DMRTA1: variants seen among roughly 807,000 people sequenced by gnomAD.
The protein encoded by DMRTA1 is doublesex- and mab-3-related transcription factor A1.
A neutral mutation model predicts 35.2 loss-of-function variants in DMRTA1; 34 were observed. That is an observed-to-expected ratio of 0.97 (90% confidence interval 0.74 to 1.29). The LOEUF is 1.29. Among genes scored for constraint, DMRTA1 ranks in the 50% most tolerant of loss-of-function variants. The pLI, the probability that DMRTA1 is intolerant of heterozygous loss-of-function variation, is 0.00. For synonymous variants in DMRTA1, 344 were observed against 276.6 expected (o/e 1.24, Z -2.42); for missense variants, 824 against 644.6 (o/e 1.28, Z -3.01).
At position 22,447,743 on chromosome 9, in the gene DMRTA1, C is replaced by CT. The variant is rs1563825426; in HGVS notation, c.667+14dup. The CT allele has an allele frequency of 6.2e-7, 1 of 1,613,052 alleles. No individual in the cohort carries two copies. The highest frequency in any genetic ancestry group is 8.5e-7 in the Non-Finnish European group (1 of 1,179,884). ...CTGAGGAAAAACAAGGTGAGTTGGT[C>CT]TTTGATTTACTCTTTGCTCAAGGAA... On this transcript the variant is annotated intron_variant, in intron 1 of 1. Transcript: ENST00000325870.
chr9:22,453,121 T>C lies in DMRTA1; in HGVS notation c.*1210T>C, dbSNP rs1563827257. On this transcript the variant is annotated 3_prime_UTR_variant, in exon 2 of 2. Coordinates refer to ENST00000325870, the MANE Select transcript of DMRTA1 (RefSeq NM_022160.3). Reference sequence around the variant, plus strand: ...TCTAGGACATTTTCTTTGTATGTCATCATTTTTCTTTTTTGAAGGACAGTA... The same window carrying C: ...TCTAGGACATTTTCTTTGTATGTCACCATTTTTCTTTTTTGAAGGACAGTA... 1 of 152,134 alleles carries C rather than the reference T, an allele frequency of 6.6e-6. No individual in the cohort carries two copies. Among genetic ancestry groups the C allele is most frequent in the South Asian group, 2.1e-4 (1 of 4,834 alleles). 9.4% of individuals were successfully genotyped at this position (152,134 alleles called of 1,614,324 possible).
Position 22,447,150 on chromosome 9 carries a change from C to A in DMRTA1, c.85C>A (p.Pro29Thr). The change falls in exon 1 of 2, where the codon CCG becomes ACG. Residue 29 changes from proline (P) to threonine (T), a missense_variant. Pro to Thr is a conservative substitution (Grantham distance 38). Transcript: ENST00000325870. Reference sequence around the variant, plus strand: ...CCCTGGGCTAGTGGTGGCTGCCCCTCCGCCCCCGTCCCCGGCGTTGCCGGT... The same window carrying A: ...CCCTGGGCTAGTGGTGGCTGCCCCTACGCCCCCGTCCCCGGCGTTGCCGGT... The part of the protein sequence containing the change: ...LAPGLVVAAP[P>T]PPSPALPVPS... 6.2e-7 allele frequency: 1 copy of A among 1,602,046 alleles called. No individual in the cohort carries two copies. The highest frequency in any genetic ancestry group is 8.5e-7 in the Non-Finnish European group (1 of 1,175,484).
chr9:22,447,112 G>A lies in DMRTA1; in HGVS notation c.47G>A (p.Arg16Gln). The A allele has an allele frequency of 6.2e-7, 1 of 1,609,248 alleles. No homozygotes were observed. Among genetic ancestry groups the A allele is most frequent in the Non-Finnish European group, 8.5e-7 (1 of 1,178,556 alleles). ...CGSRDRGVSG[R>Q]PHLAPGLVVA... ...AGCAGAGACCGAGGCGTTAGCGGCC[G>A]ACCTCACTTGGCCCCTGGGCTAGTG... Residue 16 changes from arginine to glutamine, a missense_variant, in exon 1 of 2, where the codon CGA (arginine) becomes CAA (glutamine). Transcript: ENST00000325870.
At chr9:22,448,530 G>T (rs1040318350) in intron 1 of DMRTA1, among the ~76,000 whole-genome samples, 1 of 151,720 alleles carries the variant, frequency 6.6e-6, no homozygotes, top group African/African-American at 2.4e-5. Flanking sequence ...CATTTCCTGC[G>T]TTAGGAGATA....
rs1182905706 is a variant in DMRTA1 at position 22,455,515 on chromosome 9, C to T, written c.*3604C>T. ...TTGTATTAAGATATTATCTTTGCCC[C>T]CTCGTGGCAGTCTCTCAACAAAGAG... On this transcript the variant is annotated 3_prime_UTR_variant, in exon 2 of 2. Transcript: ENST00000325870. 6.6e-6 allele frequency: 1 copy of T among 152,110 alleles called. No individual in the cohort carries two copies. The highest frequency in any genetic ancestry group is 2.4e-5 in the African/African-American group (1 of 41,402). 9.4% of individuals were successfully genotyped at this position (152,110 alleles called of 1,614,324 possible).
Position 22,451,399 on chromosome 9 carries a change from A to G in DMRTA1, c.1003A>G (p.Lys335Glu). ...RPRDPLDILTKIFPNYRRSRL... is the reference protein window; with the variant it reads ...RPRDPLDILTEIFPNYRRSRL... ...AAGAGATCCTCTTGATATCCTTACT[A>G]AGATTTTCCCAAATTACAGGCGCAG... is the stretch of plus-strand genomic sequence containing the variant. Residue 335 changes from lysine (K) to glutamate (E), a missense_variant, in exon 2 of 2, where the codon AAG becomes GAG. By Grantham distance (56) the Lys-to-Glu change is moderately conservative. Coordinates refer to ENST00000325870, the MANE Select transcript of DMRTA1 (RefSeq NM_022160.3). The G allele has an allele frequency of 6.2e-7, 1 of 1,614,144 alleles. No individual in the cohort carries two copies. The highest frequency in any genetic ancestry group is 8.5e-7 in the Non-Finnish European group (1 of 1,179,984).
At chr9:22,451,001 G>T in intron 1 of DMRTA1, 63 bp from the exon 2 acceptor site, 2 of 1,508,206 alleles carry the variant, frequency 1.3e-6, no homozygotes, top group South Asian at 1.3e-5. Context: ...ATTTTTGAGT[G>T]AGCAGTACCA....
Position 22,447,236 on chromosome 9 carries a change from A to G in DMRTA1, c.171A>G (p.Ala57=). The G allele has an allele frequency of 6.6e-7, 1 of 1,526,126 alleles. No homozygotes were observed. Among genetic ancestry groups the G allele is most frequent in the Non-Finnish European group, 8.7e-7 (1 of 1,144,652 alleles). The allele number at this position is 1,526,126 out of a possible 1,614,324, so 94.5% of individuals were successfully genotyped here. ...FLRPPSLFLR[A]AAAAAAAAAA... is the part of the protein sequence containing the mutation. The stretch of plus-strand genomic sequence containing the variant: ...GGCCGCCCAGCCTCTTTCTGCGAGC[A>G]GCGGCCGCGGCCGCCGCCGCCGCTG... Residue 57 remains alanine (A), a synonymous_variant, in exon 1 of 2, where the codon GCA becomes GCG. Coordinates refer to ENST00000325870, the MANE Select transcript of DMRTA1 (RefSeq NM_022160.3).
chr9:22,449,697 G>A (rs891868893), intron 1 of DMRTA1, among the ~76,000 whole-genome samples: 3 of 152,078 alleles, frequency 2.0e-5, no homozygotes, highest in South Asian at 4.1e-4. Flanking sequence ...AAATCCTATA[G>A]AGTGTTTGCA....
Position 22,447,748 on chromosome 9 carries a change from A to T in DMRTA1, c.667+16A>T. 6.2e-7 allele frequency: 1 copy of T among 1,612,988 alleles called. No individual in the cohort carries two copies. The highest frequency in any genetic ancestry group is 1.1e-5 in the South Asian group (1 of 91,012). ...GAAAAACAAGGTGAGTTGGTCTTTG[A>T]TTTACTCTTTGCTCAAGGAATGGTT... On this transcript the variant is annotated intron_variant, in intron 1 of 1. Coordinates refer to ENST00000325870, the MANE Select transcript of DMRTA1 (RefSeq NM_022160.3).
chr9:22,451,728 A>G lies in DMRTA1; in HGVS notation c.1332A>G (p.Ala444=). 6.2e-7 allele frequency: 1 copy of G among 1,614,138 alleles called. No homozygotes were observed. The highest frequency in any genetic ancestry group is 8.5e-7 in the Non-Finnish European group (1 of 1,179,956). ...CATTAAGGCTGGCATATTCTTCTGCAGGAAGAGGGTTATCTGGTTTTATGT... is the reference window on the plus strand; with the variant it reads ...CATTAAGGCTGGCATATTCTTCTGCGGGAAGAGGGTTATCTGGTTTTATGT... The part of the protein sequence containing the change: ...ISPLRLAYSS[A]GRGLSGFMSP... The change falls in exon 2 of 2, where the codon GCA becomes GCG. Residue 444 remains alanine (A), a synonymous_variant. Coordinates refer to ENST00000325870, the MANE Select transcript of DMRTA1 (RefSeq NM_022160.3).
Position 22,451,950 on chromosome 9 carries a change from A to C in DMRTA1, c.*39A>C. On this transcript the variant is annotated 3_prime_UTR_variant, in exon 2 of 2. Transcript: ENST00000325870. ...TCTCTCTTTCTGGAGTTTTTCCAGC[A>C]TACAATACATGCACGTGCACACACA... 1 of 1,606,350 alleles carries C rather than the reference A, an allele frequency of 6.2e-7. No individual in the cohort carries two copies. Among genetic ancestry groups the C allele is most frequent in the African/African-American group, 1.3e-5 (1 of 74,866 alleles).
chr9:22,451,006 G>T (rs1189085740), intron 1 of DMRTA1, 58 bp from the exon 2 acceptor site: 1 of 1,539,066 alleles, frequency 6.5e-7, no homozygotes, highest in African/African-American at 1.4e-5. Flanking sequence ...TGAGTGAGCA[G>T]TACCACATTC....
intron 1 of DMRTA1, among the ~76,000 whole-genome samples, chr9:22,449,617 G>A (rs1413464456): frequency 6.6e-6 from 1 of 152,022 alleles, no homozygotes; most frequent in East Asian, 1.9e-4. Context: ...GTGGAATGGA[G>A]GACTAATGCT....
At position 22,451,796 on chromosome 9, in the gene DMRTA1, G is replaced by C. The variant is rs148090498; in HGVS notation, c.1400G>C (p.Arg467Pro). The part of the protein sequence containing the change: ...TPGLVPTLPF[R>P]PALDYAFSGM... ...GGGTTAGTACCAACCTTACCTTTTC[G>C]GCCAGCTTTGGATTATGCCTTTTCA... The change falls in exon 2 of 2, where the codon CGG becomes CCG. Residue 467 changes from arginine (R) to proline (P), a missense_variant. Physicochemically the swap from Arg to Pro is moderately radical, Grantham distance 103. Transcript: ENST00000325870. 3 of 1,613,846 alleles carry C rather than the reference G, an allele frequency of 1.9e-6. No individual in the cohort carries two copies. In the South Asian group the frequency reaches 3.3e-5, roughly 18 times the overall value.
chr9:22,453,913 T>C lies in DMRTA1; in HGVS notation c.*2002T>C, dbSNP rs1818969250. The C allele has an allele frequency of 6.6e-6, 1 of 152,062 alleles. No individual in the cohort carries two copies. The highest frequency in any genetic ancestry group is 2.4e-5 in the African/African-American group (1 of 41,448). 9.4% of individuals were successfully genotyped at this position (152,062 alleles called of 1,614,324 possible). A position where few individuals can be genotyped will look rare whatever the true frequency, so the allele number is the denominator to read the frequency against. ...TTACATTATACAATAGAGATATGGT[T>C]TAAAAAAAAATCCTAGAGTTACTGC... is the stretch of plus-strand genomic sequence containing the variant. On this transcript the variant is annotated 3_prime_UTR_variant, in exon 2 of 2. Coordinates refer to ENST00000325870, the MANE Select transcript of DMRTA1 (RefSeq NM_022160.3).
intron 1 of DMRTA1, among the ~76,000 whole-genome samples, chr9:22,448,800 A>C (rs1474375183): frequency 1.3e-5 from 2 of 152,176 alleles, no homozygotes; most frequent in African/African-American, 4.8e-5. Context: ...CTGTGAATTG[A>C]AATGAGGCAT....
chr9:22,451,592 G>A lies in DMRTA1; in HGVS notation c.1196G>A (p.Gly399Asp), dbSNP rs1159288368. The A allele has an allele frequency of 6.2e-7, 1 of 1,614,100 alleles. No individual in the cohort carries two copies. ...TCAAGTTTTAGTCTTGCTGGAATTG[G>A]TTTTGGAACTCTAGGTAATAAATCA... ...RASSFSLAGI[G>D]FGTLGNKSAF... Residue 399 changes from glycine to aspartate, a missense_variant, in exon 2 of 2, where the codon GGT (glycine) becomes GAT (aspartate). Physicochemically the swap from Gly to Asp is moderately conservative, Grantham distance 94. Coordinates refer to ENST00000325870, the MANE Select transcript of DMRTA1 (RefSeq NM_022160.3).
chr9:22,451,740 A>G lies in DMRTA1; in HGVS notation c.1344A>G (p.Leu448=). The change falls in exon 2 of 2, where the codon TTA becomes TTG. Residue 448 remains leucine (L), a synonymous_variant. Coordinates refer to ENST00000325870, the MANE Select transcript of DMRTA1 (RefSeq NM_022160.3). Reference sequence around the variant, plus strand: ...CATATTCTTCTGCAGGAAGAGGGTTATCTGGTTTTATGTCACCCTACCTAA... The same window carrying G: ...CATATTCTTCTGCAGGAAGAGGGTTGTCTGGTTTTATGTCACCCTACCTAA... The part of the protein sequence containing the change: ...RLAYSSAGRG[L]SGFMSPYLTP... 1.2e-6 allele frequency: 2 copies of G among 1,614,046 alleles called. No homozygotes were observed. Among genetic ancestry groups the G allele is most frequent in the Non-Finnish European group, 1.7e-6 (2 of 1,179,916 alleles).
Sources: gnomAD v4.1 joint callset for allele counts (sites outside exome capture counted in the v4.1 genomes callset) on GRCh38, gnomAD v4.1.1 for gene constraint, MANE v1.5 for transcripts, NCBI Gene and HGNC (gene_info 2026-07-23, HGNC 2026-07-21) for gene names.